Variants in RANBP2 observed in about 807,000 individuals in gnomAD.
The protein encoded by RANBP2 is E3 SUMO-protein ligase RanBP2.
In RANBP2, 57 loss-of-function variants were observed where a neutral mutation model predicts 303.6. That is an observed-to-expected ratio of 0.19 (90% CI 0.15 to 0.23). RANBP2 has a LOEUF of 0.23. Ranked by LOEUF, RANBP2 falls within the 10% of genes least tolerant of loss-of-function variation. The probability of loss-of-function intolerance (pLI) is 1.00; values close to 1 mark genes in which losing one functional copy is unlikely to be tolerated. For missense variants in RANBP2, 3,138 were observed against 3,780.8 expected, an observed-to-expected ratio of 0.83 and a Z score of 4.46; for synonymous variants, 1,167 against 1,301.5, an observed-to-expected ratio of 0.90 and a Z score of 2.23.
At chr2:109,549,499 C>T in the RANBP2 span, among the ~76,000 whole-genome samples, 1 of 152,200 alleles carries the variant, frequency 6.6e-6, no homozygotes, top group African/African-American at 2.4e-5. Context: ...ATTCCATACA[C>T]ATGAAGCATG....
At chr2:109,365,257 A>G in the RANBP2 span, among the ~76,000 whole-genome samples, 2 of 152,176 alleles carry the variant, frequency 1.3e-5, no homozygotes, top group African/African-American at 4.8e-5. Context: ...CTTGAGGCAC[A>G]ATTCACAAAG....
At chr2:109,474,363 G>GT in the RANBP2 span, among the ~76,000 whole-genome samples, 1 of 152,202 alleles carries the variant, frequency 6.6e-6, no homozygotes, top group Non-Finnish European at 1.5e-5. Flanking sequence ...CATTTGGGCT[G>GT]TAAGTGTGAG....
the RANBP2 span, chr2:108,908,018 C>A: frequency 1.9e-6 from 3 of 1,606,916 alleles, no homozygotes; most frequent in Non-Finnish European, 2.6e-6. Context: ...GCATCGTTCT[C>A]GCTGCAAAAA....
At chr2:109,202,736 G>T in the RANBP2 span, among the ~76,000 whole-genome samples, 2 of 152,236 alleles carry the variant, frequency 1.3e-5, no homozygotes, top group East Asian at 3.9e-4. Context: ...CGGCCTTCCC[G>T]TGGGGCTGTC....
chr2:109,622,251 T>C, the RANBP2 span, among the ~76,000 whole-genome samples: 1 of 152,222 alleles, frequency 6.6e-6, no homozygotes, highest in Admixed American at 6.5e-5. Context: ...AGCTAGTTCT[T>C]AGCAGTTCAG....
the RANBP2 span, among the ~76,000 whole-genome samples, chr2:109,541,571 T>C: frequency 3.3e-5 from 5 of 152,350 alleles, no homozygotes; most frequent in South Asian, 8.3e-4. Context: ...TTATAAACTT[T>C]CCTGGGATTT....
rs1031408316 is a variant in RANBP2 at position 108,785,599 on chromosome 2, G to A, written c.*1698G>A. 6 of 152,132 alleles carry A rather than the reference G, an allele frequency of 3.9e-5. No homozygotes were observed. The highest frequency in any genetic ancestry group is 9.7e-5 in the African/African-American group (4 of 41,412). The allele number at this position is 152,132 out of a possible 1,614,324, so 9.4% of individuals were successfully genotyped here. A position where few individuals can be genotyped will look rare whatever the true frequency, so the allele number is the denominator to read the frequency against. On this transcript the variant is annotated 3_prime_UTR_variant, in exon 29 of 29. Transcript: ENST00000283195. Reference sequence around the variant, plus strand: ...AATGACATGTAAACTGACTTTTCCCGTATTAGTATTCCAAAGATGCTTAAA... The same window carrying A: ...AATGACATGTAAACTGACTTTTCCCATATTAGTATTCCAAAGATGCTTAAA...
chr2:109,300,330 C>T, the RANBP2 span, among the ~76,000 whole-genome samples: 4 of 152,262 alleles, frequency 2.6e-5, no homozygotes, highest in East Asian at 7.7e-4. Context: ...TAGTCGCACG[C>T]CACCATGTCT....
the RANBP2 span, among the ~76,000 whole-genome samples, chr2:109,134,388 G>A: frequency 6.6e-6 from 1 of 151,994 alleles, no homozygotes; most frequent in African/African-American, 2.4e-5. Context: ...GAGACCAAAC[G>A]AGTGGTTGAT....
chr2:109,567,964 G>A, the RANBP2 span: 1 of 1,602,896 alleles, frequency 6.2e-7, no homozygotes, highest in Non-Finnish European at 8.5e-7. Flanking sequence ...GCAATCACTG[G>A]TATAATGTTT....
chr2:109,102,454 G>GA, the RANBP2 span, among the ~76,000 whole-genome samples: 5 of 151,374 alleles, frequency 3.3e-5, no homozygotes, highest in Middle Eastern at 0.014. Context: ...ATGAAGAAAA[G>GA]AAAAAAACTA....
At chr2:109,627,143 C>G in the RANBP2 span, among the ~76,000 whole-genome samples, 1 of 152,132 alleles carries the variant, frequency 6.6e-6, no homozygotes, top group East Asian at 1.9e-4. Context: ...TGCACTCCAG[C>G]CTGGGCAATA....
At chr2:108,995,678 C>T in the RANBP2 span, among the ~76,000 whole-genome samples, 2 of 152,166 alleles carry the variant, frequency 1.3e-5, no homozygotes, top group African/African-American at 2.4e-5. Context: ...TAGATGTTGC[C>T]GCGTGCTTCA....
the RANBP2 span, among the ~76,000 whole-genome samples, chr2:109,124,921 T>A: frequency 6.6e-6 from 1 of 152,352 alleles, no homozygotes; most frequent in Admixed American, 6.5e-5. Flanking sequence ...ATAGAGGGGC[T>A]TTGTTTATCG....
chr2:109,390,856 C>T, the RANBP2 span, among the ~76,000 whole-genome samples: 1 of 152,284 alleles, frequency 6.6e-6, no homozygotes, highest in Admixed American at 6.5e-5. Context: ...CATCATAGGG[C>T]ACTGGCAGAG....
chr2:109,007,688 ACC>A, the RANBP2 span, among the ~76,000 whole-genome samples: 1 of 152,190 alleles, frequency 6.6e-6, no homozygotes, highest in Non-Finnish European at 1.5e-5. Flanking sequence ...TGGGCCCTTC[ACC>A]CACTACTTTG....
chr2:109,138,011 C>T, the RANBP2 span, among the ~76,000 whole-genome samples: 2 of 152,080 alleles, frequency 1.3e-5, no homozygotes, highest in Admixed American at 1.3e-4. Flanking sequence ...ACATTTATTT[C>T]GCAGATCAAA....
chr2:108,997,087 CTT>C, the RANBP2 span, among the ~76,000 whole-genome samples: 1 of 152,188 alleles, frequency 6.6e-6, no homozygotes, highest in Non-Finnish European at 1.5e-5. Context: ...TTGCCAGAAA[CTT>C]TCCTAAACTC....
the RANBP2 span, among the ~76,000 whole-genome samples, chr2:109,415,491 T>C: frequency 2.0e-5 from 3 of 152,094 alleles, no homozygotes; most frequent in African/African-American, 7.2e-5. Context: ...CTATTCCTAC[T>C]AACAGCCCCC....
Sources: gnomAD v4.1 joint callset for allele counts (sites outside exome capture counted in the v4.1 genomes callset) on GRCh38, gnomAD v4.1.1 for gene constraint, MANE v1.5 for transcripts, NCBI Gene and HGNC (gene_info 2026-07-23, HGNC 2026-07-21) for gene names.